Variants in PALLD observed in about 807,000 individuals in gnomAD.
The protein encoded by PALLD is palladin.
PALLD carries 61 observed loss-of-function variants against 123.5 expected under a neutral mutation model. The observed-to-expected ratio is 0.49, with a 90% CI of 0.40 to 0.61. The LOEUF is 0.61. Ranked by LOEUF, PALLD falls within the 20% of genes least tolerant of loss-of-function variation. The pLI is 0.00. For synonymous variants in PALLD, 465 were observed against 496.4 expected, an observed-to-expected ratio of 0.94 and a Z score of 0.84; for missense variants, 1,273 against 1,377.0, an observed-to-expected ratio of 0.92 and a Z score of 1.20.
chr4:168,868,869 T>C (rs916874841), intron 10 of PALLD, among the ~76,000 whole-genome samples: 1 of 152,194 alleles, frequency 6.6e-6, no homozygotes, highest in Non-Finnish European at 1.5e-5. Context: ...AGAAAAGAAC[T>C]GCCTAGAGAT....
chr4:168,546,560 A>G (rs914071004), intron 2 of PALLD, among the ~76,000 whole-genome samples: 1 of 152,170 alleles, frequency 6.6e-6, no homozygotes, highest in African/African-American at 2.4e-5. Flanking sequence ...TCTTAGAGCC[A>G]GGAGTTACCA....
chr4:168,748,330 T>G (rs913567241), intron 10 of PALLD, among the ~76,000 whole-genome samples: 3 of 152,178 alleles, frequency 2.0e-5, no homozygotes, highest in South Asian at 2.1e-4. Context: ...GCAATCTGTA[T>G]GTATTTAAAC....
intron 2 of PALLD, among the ~76,000 whole-genome samples, chr4:168,539,789 A>G (rs1347264065): frequency 2.0e-5 from 3 of 152,024 alleles, no homozygotes; most frequent in African/African-American, 7.2e-5. Flanking sequence ...ATTCAGATTT[A>G]TTATACTTTA....
chr4:168,793,068 G>C (rs1190176044), intron 10 of PALLD, among the ~76,000 whole-genome samples: 2 of 150,810 alleles, frequency 1.3e-5, no homozygotes, highest in Non-Finnish European at 2.9e-5. Context: ...TTTTAAATGT[G>C]CGTAATACAT....
At chr4:168,760,191 T>A (rs761037796) in intron 10 of PALLD, among the ~76,000 whole-genome samples, 1 of 152,134 alleles carries the variant, frequency 6.6e-6, no homozygotes, top group Non-Finnish European at 1.5e-5. Context: ...CCTTCCAGCC[T>A]CAGTCTCTGT....
intron 1 of PALLD, chr4:168,507,486 G>T (rs1762119755): frequency 5.3e-6 from 1 of 190,334 alleles, no homozygotes; most frequent in East Asian, 8.2e-5. Context: ...TTACAAGTGA[G>T]TTCAGTTTCT....
chr4:168,520,347 A>AGAGAGAGAGAGAG (rs11420544), intron 2 of PALLD, among the ~76,000 whole-genome samples: 85 of 84,024 alleles, frequency 1.0e-3, no homozygotes, highest in African/African-American at 3.8e-3. Context: ...AAAAAAAAAA[A>AGAGAGAGAGAGAG]AGAGAGAGAG....
chr4:168,625,867 A>T (rs781199078), intron 2 of PALLD, among the ~76,000 whole-genome samples: 2 of 152,196 alleles, frequency 1.3e-5, no homozygotes, highest in Non-Finnish European at 2.9e-5. Flanking sequence ...TTCTGGGTAC[A>T]TAGCCAAAAG....
At chr4:168,507,655 C>T (rs546863556) in intron 1 of PALLD, 4 of 196,324 alleles carry the variant, frequency 2.0e-5, no homozygotes, top group South Asian at 1.9e-4. Flanking sequence ...TCTTTCCCTA[C>T]CTCTGTCCCG....
chr4:168,693,882 A>C (rs935336911), intron 8 of PALLD, among the ~76,000 whole-genome samples: 2 of 117,422 alleles, frequency 1.7e-5, no homozygotes, highest in African/African-American at 7.0e-5. Context: ...TTTTTTAAAC[A>C]AAAAAAACCC....
At chr4:168,738,156 CT>C (rs757330983) in intron 10 of PALLD, among the ~76,000 whole-genome samples, 12 of 152,180 alleles carry the variant, frequency 7.9e-5, no homozygotes, top group Non-Finnish European at 1.0e-4. Context: ...AACTTAAAAC[CT>C]GTTATTAGTC....
At chr4:168,634,289 A>G (rs772962406) in intron 2 of PALLD, among the ~76,000 whole-genome samples, 28 of 152,312 alleles carry the variant, frequency 1.8e-4, no homozygotes, top group Admixed American at 1.6e-3. Context: ...TGGCTTTTCA[A>G]TTTCCAAGAT....
At chr4:168,801,736 CT>C (rs1739367951) in intron 10 of PALLD, among the ~76,000 whole-genome samples, 1 of 152,208 alleles carries the variant, frequency 6.6e-6, no homozygotes, top group African/African-American at 2.4e-5. Context: ...GATGTCTCTC[CT>C]TTTGTGATTA....
At chr4:168,721,958 G>T (rs1330854029) in intron 10 of PALLD, among the ~76,000 whole-genome samples, 2 of 152,076 alleles carry the variant, frequency 1.3e-5, no homozygotes, top group African/African-American at 4.8e-5. Context: ...AACAACACCT[G>T]CCCCCACCAA....
chr4:168,679,110 GTGT>G (rs2150071502), intron 3 of PALLD, among the ~76,000 whole-genome samples: 1 of 137,384 alleles, frequency 7.3e-6, no homozygotes, highest in Admixed American at 7.2e-5. Flanking sequence ...TATGGTGGGT[GTGT>G]GTGTGTGTGT....
chr4:168,604,002 G>A (rs1247558419), intron 2 of PALLD, among the ~76,000 whole-genome samples: 2 of 152,096 alleles, frequency 1.3e-5, no homozygotes, highest in East Asian at 1.9e-4. Flanking sequence ...GGTATTAATC[G>A]TGAAACATAA....
chr4:168,693,127 C>T (rs185360439), intron 8 of PALLD, among the ~76,000 whole-genome samples: 53 of 147,204 alleles, frequency 3.6e-4, no homozygotes, highest in African/African-American at 1.2e-3. Context: ...TCATCACTTA[C>T]CCTACATACA....
chr4:168,807,095 A>T (rs1740318714), intron 10 of PALLD, among the ~76,000 whole-genome samples: 1 of 152,178 alleles, frequency 6.6e-6, no homozygotes, highest in Non-Finnish European at 1.5e-5. Context: ...TAAGTAAGAT[A>T]ACTTCTTGGT....
chr4:168,556,319 T>C (rs1459720472), intron 2 of PALLD, among the ~76,000 whole-genome samples: 1 of 152,004 alleles, frequency 6.6e-6, no homozygotes, highest in Non-Finnish European at 1.5e-5. Flanking sequence ...ATGCTCTCGA[T>C]CTCCTGACCT....
Sources: gnomAD v4.1 joint callset for allele counts (sites outside exome capture counted in the v4.1 genomes callset) on GRCh38, gnomAD v4.1.1 for gene constraint, MANE v1.5 for transcripts, NCBI Gene and HGNC (gene_info 2026-07-23, HGNC 2026-07-21) for gene names.